Variants in SPAM1 observed in about 807,000 individuals in gnomAD.
SPAM1 encodes the protein sperm adhesion molecule 1.
SPAM1 carries 22 observed loss-of-function variants against 29.6 expected under a neutral mutation model. That is an observed-to-expected ratio of 0.74 (90% confidence interval 0.53 to 1.06). The LOEUF (loss-of-function observed/expected upper bound fraction) is 1.06, where lower values mean the gene tolerates loss of function less well. SPAM1 is among the 50% of genes least tolerant of loss of function. The pLI, the probability that SPAM1 is intolerant of heterozygous loss-of-function variation, is 0.00. For synonymous variants in SPAM1, 194 were observed against 204.6 expected (o/e 0.95, Z 0.44); for missense variants, 534 against 604.0 (o/e 0.88, Z 1.21).
chr7:123,970,417 T>A, intron 6 of SPAM1: 1 of 612,634 alleles, frequency 1.6e-6, no homozygotes, highest in Non-Finnish European at 2.7e-6. Flanking sequence ...TTCACTTAAT[T>A]ACCTCTTAAA....
intron 5 of SPAM1, among the ~76,000 whole-genome samples, chr7:123,969,663 C>T (rs1170472402): frequency 2.0e-5 from 3 of 151,844 alleles, no homozygotes. Flanking sequence ...GTTTTTATAC[C>T]AATACCATGC....
intron 2 of SPAM1, among the ~76,000 whole-genome samples, chr7:123,952,777 C>T (rs1023353343): frequency 6.6e-6 from 1 of 151,538 alleles, no homozygotes; most frequent in Middle Eastern, 3.4e-3. Flanking sequence ...AAGATGTGAT[C>T]GAGCAGCGTA....
At chr7:123,940,078 CTGTAAT>C (rs1417447985) in intron 1 of SPAM1, among the ~76,000 whole-genome samples, 1 of 151,974 alleles carries the variant, frequency 6.6e-6, no homozygotes, top group African/African-American at 2.4e-5. Flanking sequence ...GTTTTCACTG[CTGTAAT>C]TACTGCTTAC....
intron 1 of SPAM1, among the ~76,000 whole-genome samples, chr7:123,935,529 T>G (rs1404493017): frequency 6.6e-6 from 1 of 152,166 alleles, no homozygotes; most frequent in Non-Finnish European, 1.5e-5. Flanking sequence ...GAAAACTAAA[T>G]TACTTAGTCC....
At chr7:123,952,441 T>G (rs1350685519) in intron 2 of SPAM1, among the ~76,000 whole-genome samples, 2 of 152,122 alleles carry the variant, frequency 1.3e-5, no homozygotes, top group Non-Finnish European at 2.9e-5. Flanking sequence ...AATTCCCTCC[T>G]AGAATCACAG....
At chr7:123,944,054 T>C (rs1173017290) in intron 1 of SPAM1, among the ~76,000 whole-genome samples, 1 of 152,320 alleles carries the variant, frequency 6.6e-6, no homozygotes, top group African/African-American at 2.4e-5. Flanking sequence ...CATATTCTGG[T>C]CTTGCTTCAG....
At chr7:123,936,826 T>G (rs143637223) in intron 1 of SPAM1, among the ~76,000 whole-genome samples, 25 of 152,312 alleles carry the variant, frequency 1.6e-4, no homozygotes, top group African/African-American at 6.0e-4. Context: ...ATGAGAAGCA[T>G]GTGATCTCTA....
intron 1 of SPAM1, among the ~76,000 whole-genome samples, chr7:123,947,149 AT>A (rs1808602019): frequency 6.6e-6 from 1 of 152,174 alleles, no homozygotes; most frequent in South Asian, 2.1e-4. Flanking sequence ...TAAAGGAGAA[AT>A]TATTTTTCTT....
At chr7:123,942,942 A>G (rs1010366024) in intron 1 of SPAM1, among the ~76,000 whole-genome samples, 1 of 152,224 alleles carries the variant, frequency 6.6e-6, no homozygotes, top group African/African-American at 2.4e-5. Flanking sequence ...ACTTATGCAA[A>G]TAACTATATT....
intron 1 of SPAM1, among the ~76,000 whole-genome samples, chr7:123,940,425 G>A (rs1808395354): frequency 6.6e-6 from 1 of 150,726 alleles, no homozygotes; most frequent in Non-Finnish European, 1.5e-5. Context: ...TATCTTCCAA[G>A]AATAAGATGA....
At chr7:123,964,050 AG>A (rs11313377), downstream of SPAM1, among the ~76,000 whole-genome samples, 30,630 of 151,728 alleles carry the variant, frequency 0.2, 3,896 homozygotes, top group African/African-American at 0.37. Context: ...TTTATAAGAC[AG>A]TATATTAAGT....
At position 123,949,157 on chromosome 7, in the gene SPAM1, A is replaced by G. The variant is rs1808686377; in HGVS notation, c.-318-715A>G. Among the ~76,000 whole-genome samples the G allele has an allele frequency of 2.0e-5, 3 of 152,078 alleles. No homozygotes were observed. The South Asian group carries it at 6.2e-4, about 31-fold the overall frequency. ...ATCCCCTGTACAAGCATCCTGGTAGATAATGTGTGGAGAGGTTTATGGTTA... is the reference window on the plus strand; with the variant it reads ...ATCCCCTGTACAAGCATCCTGGTAGGTAATGTGTGGAGAGGTTTATGGTTA... On this transcript the variant is annotated intron_variant, in intron 1 of 4. Transcript: ENST00000682466.
At chr7:123,946,836 G>A (rs1354413096) in intron 1 of SPAM1, among the ~76,000 whole-genome samples, 1 of 152,172 alleles carries the variant, frequency 6.6e-6, no homozygotes, top group African/African-American at 2.4e-5. Context: ...TCTCAGGTGA[G>A]CCTCAGTGGG....
At position 123,946,301 on chromosome 7, in the gene SPAM1, C is replaced by T. The variant is rs544795100; in HGVS notation, c.-318-3571C>T. 3.3e-5 allele frequency among the ~76,000 whole-genome samples: 5 copies of T among 152,222 alleles called. No homozygotes were observed. In the South Asian group the frequency reaches 1.0e-3, roughly 32 times the overall value. ...ACCAAATTTTGGGTGATTGGGGATT[C>T]TCTGGAGGGAGGGAAGCTTCCAGGC... On this transcript the variant is annotated intron_variant, in intron 1 of 4. Transcript: ENST00000682466.
chr7:123,962,237 T>A (rs926306874), downstream of SPAM1, among the ~76,000 whole-genome samples: 22 of 151,932 alleles, frequency 1.4e-4, no homozygotes, highest in African/African-American at 4.8e-4. Flanking sequence ...GATATCTTAT[T>A]GTGGTTTTGA....
At chr7:123,952,722 T>A (rs551756806) in intron 2 of SPAM1, among the ~76,000 whole-genome samples, 4 of 152,108 alleles carry the variant, frequency 2.6e-5, no homozygotes, top group Admixed American at 6.6e-5. Flanking sequence ...AAATACAAAG[T>A]AGTAAAATGT....
Position 123,945,857 on chromosome 7 carries a change from C to A in SPAM1, c.-318-4015C>A, listed in dbSNP as rs185037057. Among the ~76,000 whole-genome samples the A allele has an allele frequency of 3.0e-3, 458 of 152,072 alleles. 1 individual carries two copies. Among genetic ancestry groups the A allele is most frequent in the African/African-American group, 0.01 (423 of 41,496 alleles). On this transcript the variant is annotated intron_variant, in intron 1 of 4. Coordinates refer to ENST00000682466, the MANE Select transcript of SPAM1 (RefSeq NM_153189.3). ...AGGAATTTCAGCTAATTCAGACAGA[C>A]CTTGTTCCCCATAATTTGTAATTCT...
At chr7:123,969,447 C>T (rs1792469198) in intron 5 of SPAM1, among the ~76,000 whole-genome samples, 6 of 151,926 alleles carry the variant, frequency 3.9e-5, no homozygotes, top group Admixed American at 2.6e-4. Flanking sequence ...TTTAATATAT[C>T]TTGAGTTGAT....
intron 1 of SPAM1, among the ~76,000 whole-genome samples, chr7:123,939,329 C>T (rs1266311996): frequency 6.6e-6 from 1 of 152,130 alleles, no homozygotes; most frequent in Non-Finnish European, 1.5e-5. Flanking sequence ...TCGTGATCTG[C>T]CCGCCTCGGC....
Sources: gnomAD v4.1 joint callset for allele counts (sites outside exome capture counted in the v4.1 genomes callset) on GRCh38, gnomAD v4.1.1 for gene constraint, MANE v1.5 for transcripts, NCBI Gene and HGNC (gene_info 2026-07-23, HGNC 2026-07-21) for gene names.